Variants in PTPN7 observed in about 807,000 individuals in gnomAD.
PTPN7 encodes the protein tyrosine-protein phosphatase non-receptor type 7.
Under a neutral mutation model 50.3 loss-of-function variants are expected in PTPN7, and 33 were observed. That is an observed-to-expected ratio of 0.66 (90% CI 0.50 to 0.88). PTPN7 has a LOEUF of 0.88. PTPN7 is among the 40% of genes least tolerant of loss of function. The probability of loss-of-function intolerance (pLI) is 0.00; values close to 1 mark genes in which losing one functional copy is unlikely to be tolerated. For missense variants in PTPN7, 412 were observed against 475.4 expected (o/e 0.87, Z 1.24); for synonymous variants, 185 against 186.6 (o/e 0.99, Z 0.07).
chr1:202,160,927 G>A (rs542757777), upstream of PTPN7: 391 of 1,434,916 alleles, frequency 2.7e-4, 3 homozygotes, highest in African/African-American at 5.1e-3. This position sits in a 1 kb window ranked among gnomAD's most constrained non-coding sequence, Gnocchi z 4.8. Context: ...GCTCTGTGCT[G>A]TCCCACAAAG....
intron 9 of PTPN7, 149 bp downstream of exon 9, chr1:202,150,162 A>C: frequency 1.6e-6 from 1 of 637,736 alleles, no homozygotes; most frequent in Non-Finnish European, 2.8e-6. Context: ...CCTGGTTGTT[A>C]GTTGTAAAAT....
At chr1:202,152,166 G>A (rs956167410) in intron 8 of PTPN7, among the ~76,000 whole-genome samples, 9 of 152,164 alleles carry the variant, frequency 5.9e-5, no homozygotes, top group South Asian at 2.1e-4. Flanking sequence ...CAGCCCTGGC[G>A]TCCCAAAGTG....
At chr1:202,154,903 C>T (rs975359851) in intron 5 of PTPN7, among the ~76,000 whole-genome samples, 4 of 152,168 alleles carry the variant, frequency 2.6e-5, no homozygotes, top group South Asian at 2.1e-4. Context: ...GCAGTTGATC[C>T]GGTATTGGCC....
chr1:202,151,951 C>T (rs1454312170), intron 8 of PTPN7, among the ~76,000 whole-genome samples: 1 of 152,152 alleles, frequency 6.6e-6, no homozygotes, highest in Non-Finnish European at 1.5e-5. Flanking sequence ...TGGAGTCTCG[C>T]TCTGTCACCC....
intron 4 of PTPN7, among the ~76,000 whole-genome samples, chr1:202,156,765 G>C (rs1175785385): frequency 2.0e-5 from 3 of 152,204 alleles, no homozygotes; most frequent in African/African-American, 4.8e-5. Context: ...CAGGAGACAG[G>C]GCCCGAGTGC....
intron 8 of PTPN7, among the ~76,000 whole-genome samples, chr1:202,150,954 G>A (rs1028068102): frequency 6.6e-6 from 1 of 152,008 alleles, no homozygotes; most frequent in Non-Finnish European, 1.5e-5. Flanking sequence ...CCTCTTGCGT[G>A]AGCCCCTAAT....
chr1:202,158,000 C>T, intron 3 of PTPN7, 118 bp downstream of exon 3: 1 of 1,370,466 alleles, frequency 7.3e-7, no homozygotes, highest in Non-Finnish European at 9.9e-7. Context: ...CCCTGAAGTT[C>T]TCTTTCCTAA....
At chr1:202,161,428 A>G (rs74136747), upstream of PTPN7, 4,413 of 1,289,404 alleles carry the variant, frequency 3.4e-3, 129 homozygotes, top group African/African-American at 0.061. Flanking sequence ...GGGGACTCCC[A>G]TGTCCTCTTC....
chr1:202,154,361 G>A, intron 5 of PTPN7, 38 bp from the exon 6 acceptor site: 1 of 1,589,856 alleles, frequency 6.3e-7, no homozygotes, highest in East Asian at 2.2e-5. Context: ...GTGGGGAGCA[G>A]TGAGAGCAGA....
At chr1:202,155,337 T>A (rs1425016309) in intron 5 of PTPN7, among the ~76,000 whole-genome samples, 196 bp downstream of exon 5, 1 of 152,128 alleles carries the variant, frequency 6.6e-6, no homozygotes, top group Admixed American at 6.6e-5. Context: ...TTTTTCAACA[T>A]CTGCTCCGTT....
rs1280583721 is a variant in PTPN7, at chr1:202,154,081, G to A, written c.606+105C>T. On this transcript the variant is annotated intron_variant, in intron 6 of 9. Coordinates refer to ENST00000691036, the MANE Select transcript of PTPN7 (RefSeq NM_002832.4). ...TTCTGAGAGGTATGAGCTGGGGCTG[G>A]CTCCCAGGGAAACCTCTGGTTCTGA... 4 of 1,515,606 alleles carry A rather than the reference G, an allele frequency of 2.6e-6. No homozygotes were observed. The Admixed American group carries it at 6.8e-5, about 26-fold the overall frequency. The allele number at this position is 1,515,606 out of a possible 1,614,324, so 93.9% of individuals were successfully genotyped here.
At chr1:202,158,533 G>GTTTTTT in intron 2 of PTPN7, 2 of 363,200 alleles carry the variant, frequency 5.5e-6, no homozygotes, top group Non-Finnish European at 9.9e-6. Flanking sequence ...GCTAATTTAA[G>GTTTTTT]TTTTTTTTTT....
chr1:202,158,034 C>T, intron 3 of PTPN7, 84 bp downstream of exon 3: 1 of 1,460,484 alleles, frequency 6.8e-7, no homozygotes, highest in South Asian at 1.4e-5. Context: ...GAGACTTGCC[C>T]AGGGTGCCCG....
At chr1:202,156,642 AG>A (rs1318065875) in intron 4 of PTPN7, among the ~76,000 whole-genome samples, 1 of 152,222 alleles carries the variant, frequency 6.6e-6, no homozygotes, top group Non-Finnish European at 1.5e-5. Flanking sequence ...TGGTGGCTGC[AG>A]GGCTGATTAG....
At position 202,150,411 on chromosome 1, in the gene PTPN7, G is replaced by A. The variant is rs776477209; in HGVS notation, c.889C>T (p.Arg297Trp). The stretch of plus-strand genomic sequence containing the variant: ...CGCGTGGCGATGAAGCAGCCCGTCC[G>A]GCCAATCCCTGCACTGGAGATAGCC... ...IVVHCSAGIGRTGCFIATRIG... is the reference protein window; with the variant it reads ...IVVHCSAGIGWTGCFIATRIG... The change falls in exon 9 of 10, where the codon CGG becomes TGG. Residue 297 changes from arginine to tryptophan, a missense_variant. Coordinates refer to ENST00000691036, the MANE Select transcript of PTPN7 (RefSeq NM_002832.4). 10 of 1,608,586 alleles carry A rather than the reference G, an allele frequency of 6.2e-6. No homozygotes were observed. Among genetic ancestry groups the A allele is most frequent in the Non-Finnish European group, 6.8e-6 (8 of 1,177,348 alleles).
At chr1:202,161,263 G>C, upstream of PTPN7, 2 of 1,143,566 alleles carry the variant, frequency 1.7e-6, no homozygotes, top group Non-Finnish European at 1.1e-6. Context: ...CTGAGTGTAG[G>C]CCAGCCCAGC....
rs1655415403 is a variant in PTPN7 at position 202,147,094 on chromosome 1, TG to T, written c.*1511del. 2 of 152,128 alleles carry T rather than the reference TG, an allele frequency of 1.3e-5. No homozygotes were observed. Among genetic ancestry groups the T allele is most frequent in the Non-Finnish European group, 2.9e-5 (2 of 68,092 alleles). 9.4% of individuals were successfully genotyped at this position (152,128 alleles called of 1,614,324 possible). On this transcript the variant is annotated 3_prime_UTR_variant, in exon 10 of 10. Transcript: ENST00000691036. ...TACCCTCTGAGCTCTGAGATGGGGT[TG>T]GGGGGACAGTGCCAGGGAGGGCCTG...
intron 4 of PTPN7, 47 bp from the exon 5 acceptor site, chr1:202,155,656 C>T (rs1428786640): frequency 6.9e-7 from 1 of 1,456,188 alleles, no homozygotes. Flanking sequence ...AGGTGACCAA[C>T]TAACACAGAC....
chr1:202,158,627 A>G (rs1222353587), intron 2 of PTPN7: 1 of 262,456 alleles, frequency 3.8e-6, no homozygotes, highest in Admixed American at 5.2e-5. Flanking sequence ...TTGGCTTCCC[A>G]AAGTGCTGGG....
Sources: allele counts gnomAD v4.1 joint callset (sites outside exome capture counted in the v4.1 genomes callset), GRCh38; gene constraint gnomAD v4.1.1; non-coding constraint Gnocchi (gnomAD v3.1); transcripts MANE v1.5; gene names NCBI Gene and HGNC (gene_info 2026-07-23, HGNC 2026-07-21).